Variants in GAPVD1 observed in about 807,000 individuals in gnomAD.
GAPVD1 encodes the protein GTPase-activating protein and VPS9 domain-containing protein 1.
GAPVD1 carries 35 observed loss-of-function variants against 155.5 expected under a neutral mutation model. That is an observed-to-expected ratio of 0.23 (90% confidence interval 0.17 to 0.30). The LOEUF is 0.30. GAPVD1 is among the 10% of genes least tolerant of loss of function. The pLI is 1.00. For missense variants in GAPVD1, 1,429 were observed against 1,775.7 expected (o/e 0.80, Z 3.51); for synonymous variants, 636 against 619.7 (o/e 1.03, Z -0.39).
chr9:125,327,124 T>A (rs1341140412), intron 12 of GAPVD1, among the ~76,000 whole-genome samples: 1 of 152,190 alleles, frequency 6.6e-6, no homozygotes, highest in Non-Finnish European at 1.5e-5. Flanking sequence ...TATTTTCAAA[T>A]AGAGACAGGA....
Position 125,312,599 on chromosome 9 carries a change from T to A in GAPVD1, c.1589T>A (p.Met530Lys), listed in dbSNP as rs777689906. 10 of 1,585,028 alleles carry A rather than the reference T, an allele frequency of 6.3e-6. No homozygotes were observed. In the South Asian group the frequency reaches 8.3e-5, roughly 13 times the overall value. Residue 530 changes from methionine to lysine, a missense_variant, in exon 9 of 28, where the codon ATG (methionine) becomes AAG (lysine). By Grantham distance (95) the Met-to-Lys change is moderately conservative (BLOSUM62 -1). Around this residue, in one of 4 missense-constraint regions of GAPVD1, gnomAD observed 628 missense variants for 733.4 expected, o/e 0.86. Coordinates refer to ENST00000297933, the MANE Select transcript of GAPVD1 (RefSeq NM_001282680.3). The part of the protein sequence containing the change: ...GTGPQLTPGM[M>K]SENEVLNMQL... The stretch of plus-strand genomic sequence containing the variant: ...GGTCCCCAGCTTACTCCAGGGATGA[T>A]GTCAGAAAATGAGGTATGAATCAGT...
intron 15 of GAPVD1, chr9:125,336,632 G>GCCC: frequency 5.7e-6 from 1 of 174,816 alleles, no homozygotes; most frequent in South Asian, 1.4e-4. Flanking sequence ...AAAGGCATGA[G>GCCC]CCCCTACACC....
intron 15 of GAPVD1, among the ~76,000 whole-genome samples, chr9:125,334,735 A>G (rs893841495): frequency 1.4e-4 from 21 of 152,194 alleles, no homozygotes; most frequent in Non-Finnish European, 5.9e-5. Flanking sequence ...CCTCGTCTCT[A>G]CAAAAATAAA....
At position 125,337,472 on chromosome 9, in the gene GAPVD1, C is replaced by A; in HGVS notation, c.2758C>A (p.Arg920=). ...ACCCATGAGTGACCCCAGCTGGAAC[C>A]GGCGTCCAGGAAATGAAGAGCGAGA... ...RRPMSDPSWN[R]RPGNEERELP... The change falls in exon 17 of 28, where the codon CGG becomes AGG. Residue 920 remains arginine (R), a synonymous_variant. Coordinates refer to ENST00000297933, the MANE Select transcript of GAPVD1 (RefSeq NM_001282680.3). 6.2e-7 allele frequency: 1 copy of A among 1,614,152 alleles called. No homozygotes were observed. Among genetic ancestry groups the A allele is most frequent in the Non-Finnish European group, 8.5e-7 (1 of 1,180,010 alleles).
At chr9:125,349,925 G>A (rs991882819) in intron 21 of GAPVD1, among the ~76,000 whole-genome samples, 5 of 152,134 alleles carry the variant, frequency 3.3e-5, no homozygotes. Flanking sequence ...TTTCTAAAGA[G>A]ATGTGCCAGA....
intron 9 of GAPVD1, among the ~76,000 whole-genome samples, chr9:125,320,626 T>A (rs1030787210): frequency 3.9e-5 from 6 of 152,178 alleles, no homozygotes; most frequent in South Asian, 4.1e-4. Flanking sequence ...TTTATTGATT[T>A]TTTATTTTTA....
intron 23 of GAPVD1, 119 bp from the exon 24 acceptor site, chr9:125,354,535 G>A: frequency 1.5e-6 from 1 of 645,786 alleles, no homozygotes; most frequent in Admixed American, 2.5e-5. Context: ...GCACAGACAT[G>A]CTACTTTGTA....
Position 125,332,183 on chromosome 9 carries a change from A to C in GAPVD1, c.2308+123A>C, listed in dbSNP as rs574519812. 8.7e-5 allele frequency: 85 copies of C among 977,038 alleles called. No homozygotes were observed. The African/African-American group carries it at 1.3e-3, about 15-fold the overall frequency. 60.5% of individuals were successfully genotyped at this position (977,038 alleles called of 1,614,324 possible). ...AGAGCTGAGTAATTTCCAGAAAACAAACTTATTTCCATTGCACCTGAAATC... is the reference window on the plus strand; with the variant it reads ...AGAGCTGAGTAATTTCCAGAAAACACACTTATTTCCATTGCACCTGAAATC... On this transcript the variant is annotated intron_variant, in intron 14 of 27. Coordinates refer to ENST00000297933, the MANE Select transcript of GAPVD1 (RefSeq NM_001282680.3).
chr9:125,327,608 A>G (rs894858487), intron 12 of GAPVD1, among the ~76,000 whole-genome samples: 1 of 151,936 alleles, frequency 6.6e-6, no homozygotes, highest in African/African-American at 2.4e-5. Flanking sequence ...GGTTTAAGTG[A>G]TTCTCCTGCC....
chr9:125,267,307 T>A (rs1207929479), intron 1 of GAPVD1, among the ~76,000 whole-genome samples: 1 of 152,192 alleles, frequency 6.6e-6, no homozygotes, highest in Non-Finnish European at 1.5e-5. Flanking sequence ...TAGGTTGGAG[T>A]TCAGTTGCGC....
chr9:125,327,173 C>T (rs1845305909), intron 12 of GAPVD1, among the ~76,000 whole-genome samples: 1 of 151,926 alleles, frequency 6.6e-6, no homozygotes, highest in Non-Finnish European at 1.5e-5. Context: ...AACTAATGAG[C>T]TCAAGTGATC....
At position 125,360,447 on chromosome 9, in the gene GAPVD1, C is replaced by T. The variant is rs1024344273; in HGVS notation, c.4045-81C>T. 1.8e-5 allele frequency: 19 copies of T among 1,081,942 alleles called. No homozygotes were observed. The African/African-American group carries it at 2.8e-4, about 16-fold the overall frequency. 67.0% of individuals were successfully genotyped at this position (1,081,942 alleles called of 1,614,324 possible). On this transcript the variant is annotated intron_variant, in intron 26 of 27. Transcript: ENST00000297933. ...AAAGCAACCACATTATCCTCTGCCTCCTGACACGGAGGTTGCAGTAGTCAC... is the reference window on the plus strand; with the variant it reads ...AAAGCAACCACATTATCCTCTGCCTTCTGACACGGAGGTTGCAGTAGTCAC...
chr9:125,282,594 G>A (rs1053980775), intron 2 of GAPVD1, among the ~76,000 whole-genome samples: 1 of 152,160 alleles, frequency 6.6e-6, no homozygotes, highest in Non-Finnish European at 1.5e-5. Flanking sequence ...TTATGTGATG[G>A]ATATGGCGTC....
chr9:125,357,344 C>T (rs1164401056), intron 25 of GAPVD1, among the ~76,000 whole-genome samples: 1 of 152,128 alleles, frequency 6.6e-6, no homozygotes, highest in Non-Finnish European at 1.5e-5. Context: ...TTTGGGAGGC[C>T]AAGGCAGGTG....
At chr9:125,354,909 GT>G (rs1849837612) in intron 24 of GAPVD1, 68 bp downstream of exon 24, 1 of 1,116,114 alleles carries the variant, frequency 9.0e-7, no homozygotes. Flanking sequence ...TAGAAATACT[GT>G]TTTGTTTTGC....
chr9:125,308,982 A>C (rs1188002946), intron 8 of GAPVD1: 3 of 152,226 alleles, frequency 2.0e-5, no homozygotes, highest in African/African-American at 7.2e-5. Flanking sequence ...GAGTTAGACA[A>C]AGTAAACAAG....
In GAPVD1 at chr9:125,350,853, T is replaced by A; in HGVS notation, c.3550T>A (p.Ser1184Thr). ...DNRTCRKLLA[S>T]IAEDYRKRAP... ...TAGGACTTGTAGGAAACTGCTGGCT[T>A]CGATTGCTGAGGACTACAGGTAATA... Residue 1184 changes from serine to threonine, a missense_variant, in exon 23 of 28, where the codon TCG becomes ACG. By Grantham distance (58) the Ser-to-Thr change is moderately conservative. This residue lies in a region of GAPVD1 where 699 missense variants were observed against 826.0 expected (regional missense o/e 0.85). Transcript: ENST00000297933. 6.2e-7 allele frequency: 1 copy of A among 1,613,774 alleles called. No homozygotes were observed. The highest frequency in any genetic ancestry group is 8.5e-7 in the Non-Finnish European group (1 of 1,179,860).
intron 9 of GAPVD1, 78 bp downstream of exon 9, chr9:125,312,690 G>A (rs2131259462): frequency 9.5e-7 from 1 of 1,047,778 alleles, no homozygotes; most frequent in Non-Finnish European, 1.4e-6. Flanking sequence ...ACCAGAGGTT[G>A]GGTGGCTTAT....
intron 2 of GAPVD1, among the ~76,000 whole-genome samples, chr9:125,275,665 C>T (rs185558289): frequency 2.0e-5 from 3 of 152,062 alleles, no homozygotes; most frequent in Admixed American, 6.6e-5. Flanking sequence ...GGAGGTAGGA[C>T]GATCACCTGA....
Sources: gnomAD v4.1 joint callset for allele counts (sites outside exome capture counted in the v4.1 genomes callset) on GRCh38, gnomAD v4.1.1 for gene constraint, gnomAD v4.1.1 regional missense constraint, MANE v1.5 for transcripts, NCBI Gene and HGNC (gene_info 2026-07-23, HGNC 2026-07-21) for gene names.